Variants in DSE observed in about 807,000 individuals in gnomAD.
DSE encodes dermatan sulfate epimerase.
DSE carries 36 observed loss-of-function variants against 84.4 expected under a neutral mutation model. The observed-to-expected ratio is 0.43, with a 90% CI of 0.33 to 0.56. The LOEUF is 0.56. Among genes scored for constraint, DSE ranks in the 20% least tolerant of loss-of-function variants. The pLI is 0.06. For missense variants in DSE, 862 were observed against 1,169.6 expected (o/e 0.74, Z 3.84); for synonymous variants, 410 against 430.1 (o/e 0.95, Z 0.58).
In DSE at chr6:116,355,119, C is replaced by T. The variant is rs182738820; in HGVS notation, c.-53-44079C>T. Among the ~76,000 whole-genome samples the T allele has an allele frequency of 6.8e-4, 103 of 152,328 alleles. No individual in the cohort carries two copies. The East Asian group carries it at 0.019, about 28-fold the overall frequency. On this transcript the variant is annotated intron_variant, in intron 2 of 3. Transcript: ENST00000430252. Reference sequence around the variant, plus strand: ...TTCAGTATTTTGCTAATTTAAACAACACCATGTTGAACAACTTTGCATACA... The same window carrying T: ...TTCAGTATTTTGCTAATTTAAACAATACCATGTTGAACAACTTTGCATACA...
chr6:116,428,817 C>T (rs1562306905), intron 3 of DSE, among the ~76,000 whole-genome samples: 1 of 152,086 alleles, frequency 6.6e-6, no homozygotes, highest in Non-Finnish European at 1.5e-5. Context: ...CTTCATGTAA[C>T]TTTGAAGATG....
chr6:116,348,378 G>A (rs1391797594), intron 2 of DSE, among the ~76,000 whole-genome samples: 1 of 151,432 alleles, frequency 6.6e-6, no homozygotes, highest in African/African-American at 2.4e-5. Flanking sequence ...AGTGAGCCGA[G>A]ATCGTGCCAC....
chr6:116,318,013 G>A (rs1192165869), intron 2 of DSE, among the ~76,000 whole-genome samples: 1 of 152,104 alleles, frequency 6.6e-6, no homozygotes, highest in Non-Finnish European at 1.5e-5. Flanking sequence ...ACCTCAAATA[G>A]TATAAAAATA....
intron 2 of DSE, among the ~76,000 whole-genome samples, chr6:116,306,900 T>C (rs765143016): frequency 1.3e-5 from 2 of 152,174 alleles, no homozygotes; most frequent in Non-Finnish European, 2.9e-5. Context: ...AGGAGCCAAA[T>C]TGACTAGCAC....
chr6:116,440,916 G>C lies in DSE; in HGVS notation c.*3571G>C, dbSNP rs1405793610. 1.3e-5 allele frequency: 2 copies of C among 152,172 alleles called. No individual in the cohort carries two copies. The highest frequency in any genetic ancestry group is 6.5e-5 in the Admixed American group (1 of 15,274). The allele number at this position is 152,172 out of a possible 1,614,324, so 9.4% of individuals were successfully genotyped here. ...GGAAAGCAAGCCTCAAGCAAGGGGG[G>C]CCTGATCCTTTCCCTGTTCGCTGTG... On this transcript the variant is annotated 3_prime_UTR_variant, in exon 6 of 6. Coordinates refer to ENST00000644252, the MANE Select transcript of DSE (RefSeq NM_013352.4).
intron 2 of DSE, among the ~76,000 whole-genome samples, chr6:116,291,335 G>T (rs1774268606): frequency 6.6e-6 from 1 of 151,992 alleles, no homozygotes; most frequent in Admixed American, 6.6e-5. Flanking sequence ...AGCTTGGTAA[G>T]AATTCAGAGG....
At chr6:116,279,388 G>A in intron 2 of DSE, 1 of 1,612,704 alleles carries the variant, frequency 6.2e-7, no homozygotes, top group Non-Finnish European at 8.5e-7. Flanking sequence ...CTCAGCCTCC[G>A]CCCCCGCCGT....
At position 116,444,776 on chromosome 6, in the gene DSE, A is replaced by G. The variant is rs1176754457; in HGVS notation, c.*7431A>G. ...TCTGTAAACCAGGAAGTGAGTCCTC[A>G]CCAGATACCACATCTGTTGTGCTTT... is the stretch of plus-strand genomic sequence containing the variant. On this transcript the variant is annotated 3_prime_UTR_variant, in exon 6 of 6. Coordinates refer to ENST00000644252, the MANE Select transcript of DSE (RefSeq NM_013352.4). 6.6e-6 allele frequency: 1 copy of G among 152,196 alleles called. No individual in the cohort carries two copies. Among genetic ancestry groups the G allele is most frequent in the Admixed American group, 6.5e-5 (1 of 15,276 alleles). 9.4% of individuals were successfully genotyped at this position (152,196 alleles called of 1,614,324 possible).
intron 3 of DSE, among the ~76,000 whole-genome samples, chr6:116,429,332 A>C (rs1288508310): frequency 6.6e-6 from 1 of 152,062 alleles, no homozygotes; most frequent in South Asian, 2.1e-4. Flanking sequence ...AGCTGGTTAG[A>C]TCTGGGCCTC....
At chr6:116,279,344 C>A in intron 2 of DSE, 1 of 1,611,314 alleles carries the variant, frequency 6.2e-7, no homozygotes, top group Non-Finnish European at 8.5e-7. Context: ...GCTGCTGAGA[C>A]GGTGGCGCAC....
chr6:116,421,335 A>G (rs2115049951), intron 2 of DSE, among the ~76,000 whole-genome samples: 1 of 151,054 alleles, frequency 6.6e-6, no homozygotes, highest in East Asian at 1.9e-4. Context: ...AGAAATTAAA[A>G]CTGAGAAGTT....
chr6:116,330,906 A>ACCAT (rs1216381094), intron 2 of DSE, among the ~76,000 whole-genome samples: 2 of 152,320 alleles, frequency 1.3e-5, no homozygotes, highest in Non-Finnish European at 2.9e-5. Context: ...ATATTAGATA[A>ACCAT]CCATACAACA....
chr6:116,338,065 C>CA (rs1777353726), intron 2 of DSE, among the ~76,000 whole-genome samples: 1 of 152,194 alleles, frequency 6.6e-6, no homozygotes, highest in Admixed American at 6.5e-5. Context: ...GAATAAACTT[C>CA]ATCAGTTCTT....
At position 116,431,449 on chromosome 6, in the gene DSE, C is replaced by T. The variant is rs191344073; in HGVS notation, c.910+256C>T. Among the ~76,000 whole-genome samples, 24 of 152,122 alleles carry T rather than the reference C, an allele frequency of 1.6e-4. No individual in the cohort carries two copies. In the East Asian group the frequency reaches 4.4e-3, roughly 28 times the overall value. ...TGGATTAAATACAATTTCTAGGCCC[C>T]TCAATACTTTTTTTTTATATATCCA... On this transcript the variant is annotated intron_variant, in intron 4 of 5. Transcript: ENST00000644252.
intron 3 of DSE, among the ~76,000 whole-genome samples, chr6:116,430,129 A>G (rs1783728240): frequency 1.3e-5 from 2 of 152,150 alleles, no homozygotes; most frequent in African/African-American, 4.8e-5. Flanking sequence ...CATGTAGCTC[A>G]TTTTTTGGCA....
intron 1 of DSE, among the ~76,000 whole-genome samples, chr6:116,396,224 A>C (rs1781240381): frequency 6.6e-6 from 1 of 152,224 alleles, no homozygotes; most frequent in Non-Finnish European, 1.5e-5. Flanking sequence ...ACATAGAGGA[A>C]GAAGGTTCTC....
intron 2 of DSE, among the ~76,000 whole-genome samples, chr6:116,363,256 T>C (rs570521784): frequency 6.6e-6 from 1 of 150,392 alleles, no homozygotes; most frequent in African/African-American, 2.5e-5. Context: ...CACACACACA[T>C]ATATGCATAT....
chr6:116,368,215 G>A (rs1041883), upstream of DSE, among the ~76,000 whole-genome samples: 73,063 of 151,956 alleles, frequency 0.48, 18,975 homozygotes, highest in East Asian at 0.95. Context: ...AAAGTGCCAC[G>A]TACCCATGTA....
At chr6:116,331,961 A>T (rs1776966584) in intron 2 of DSE, among the ~76,000 whole-genome samples, 1 of 152,186 alleles carries the variant, frequency 6.6e-6, no homozygotes, top group Non-Finnish European at 1.5e-5. Flanking sequence ...ATCTAAAAGA[A>T]AAAGAACAAG....
Sources: allele counts gnomAD v4.1 joint callset (sites outside exome capture counted in the v4.1 genomes callset), GRCh38; gene constraint gnomAD v4.1.1; transcripts MANE v1.5; gene names NCBI Gene and HGNC (gene_info 2026-07-23, HGNC 2026-07-21).